The following CILK1 variants were observed in gnomAD, a reference collection of about 807,000 sequenced individuals.
CILK1 encodes serine/threonine-protein kinase ICK.
In CILK1, 47 loss-of-function variants were observed where a neutral mutation model predicts 79.2. The observed-to-expected ratio is 0.59, with a 90% CI of 0.47 to 0.76. CILK1 has a LOEUF of 0.76. Ranked by LOEUF, CILK1 falls within the 30% of genes least tolerant of loss-of-function variation. The pLI is 0.00. For synonymous variants in CILK1, 266 were observed against 275.9 expected, an observed-to-expected ratio of 0.96 and a Z score of 0.36; for missense variants, 660 against 769.5, an observed-to-expected ratio of 0.86 and a Z score of 1.68.
intron 5 of CILK1, among the ~76,000 whole-genome samples, chr6:53,021,634 T>G (rs982341056): frequency 3.6e-4 from 55 of 152,298 alleles, no homozygotes; most frequent in African/African-American, 1.3e-3. Flanking sequence ...TCATTCTTTG[T>G]AAGTTCACTG....
chr6:53,025,577 G>A (rs550220713), intron 5 of CILK1, among the ~76,000 whole-genome samples: 17 of 152,244 alleles, frequency 1.1e-4, no homozygotes, highest in Admixed American at 2.0e-4. Context: ...GGAAGATTCC[G>A]ATTCCCCACA....
chr6:53,029,454 C>T (rs1167645147), intron 5 of CILK1, among the ~76,000 whole-genome samples: 1 of 152,188 alleles, frequency 6.6e-6, no homozygotes, highest in Non-Finnish European at 1.5e-5. Flanking sequence ...GCTGATTACT[C>T]AGTATGTGCC....
intron 1 of CILK1, among the ~76,000 whole-genome samples, chr6:53,043,252 G>C (rs1282745450): frequency 1.3e-5 from 2 of 152,086 alleles, no homozygotes; most frequent in East Asian, 3.9e-4. Context: ...GGAGGCACAG[G>C]CTGCAGTGAG....
At position 53,019,255 on chromosome 6, in the gene CILK1, G is replaced by A. The variant is rs1765074906; in HGVS notation, c.463C>T (p.Pro155Ser). The A allele has an allele frequency of 6.2e-7, 1 of 1,613,838 alleles. No homozygotes were observed. The highest frequency in any genetic ancestry group is 8.5e-7 in the Non-Finnish European group (1 of 1,179,878). The change falls in exon 6 of 14, where the codon CCA becomes TCA. Residue 155 changes from proline to serine, a missense_variant. Physicochemically the swap from Pro to Ser is moderately conservative, Grantham distance 74. Coordinates refer to ENST00000676107, the MANE Select transcript of CILK1 (RefSeq NM_014920.5). ...CTGGTAGATACATAATCTGTATATG[G>A]AGGTTTTGATCGTATTTCTCGGGCC... ...GLAREIRSKP[P>S]YTDYVSTRWY...
chr6:53,012,083 T>A lies in CILK1; in HGVS notation c.1297A>T (p.Ile433Phe). The change falls in exon 10 of 14, where the codon ATT (isoleucine) becomes TTT (phenylalanine). Residue 433 changes from isoleucine to phenylalanine, a missense_variant. Coordinates refer to ENST00000676107, the MANE Select transcript of CILK1 (RefSeq NM_014920.5). ...TGTCTTTTCTTGTTTTTCAGGTCAA[T>A]CCTGCTGAGGGATGGACTGAAATCC... ...DLDFSPSLSRIDLKNKKRQSD... is the reference protein window; with the variant it reads ...DLDFSPSLSRFDLKNKKRQSD... The A allele has an allele frequency of 6.2e-7, 1 of 1,614,188 alleles. No homozygotes were observed. The highest frequency in any genetic ancestry group is 8.5e-7 in the Non-Finnish European group (1 of 1,180,028).
At chr6:53,007,281 A>G (rs1428621935) in intron 12 of CILK1, among the ~76,000 whole-genome samples, 1 of 152,258 alleles carries the variant, frequency 6.6e-6, no homozygotes, top group African/African-American at 2.4e-5. Flanking sequence ...GAGTGGAAAC[A>G]CAGTCTAGAA....
rs192099832 is a variant in CILK1, at chr6:53,011,003, C to T, written c.1492+766G>A. Among the ~76,000 whole-genome samples, 417 of 152,306 alleles carry T rather than the reference C, an allele frequency of 2.7e-3. 1 individual carries two copies. The highest frequency in any genetic ancestry group is 4.7e-3 in the Non-Finnish European group (318 of 68,024). Reference sequence around the variant, plus strand: ...CGCAGTGCTTGGCATGCAGTAGATGCTTGATACATATGTACTGAATGAATG... The same window carrying T: ...CGCAGTGCTTGGCATGCAGTAGATGTTTGATACATATGTACTGAATGAATG... On this transcript the variant is annotated intron_variant, in intron 11 of 13. Coordinates refer to ENST00000676107, the MANE Select transcript of CILK1 (RefSeq NM_014920.5).
intron 11 of CILK1, among the ~76,000 whole-genome samples, chr6:53,009,992 G>A (rs1764471686): frequency 6.6e-6 from 1 of 152,048 alleles, no homozygotes; most frequent in Admixed American, 6.6e-5. Context: ...ACCCGACCTG[G>A]ACCATTACTC....
intron 8 of CILK1, 69 bp downstream of exon 8, chr6:53,016,014 T>A: frequency 6.9e-7 from 1 of 1,456,018 alleles, no homozygotes; most frequent in South Asian, 1.1e-5. Context: ...TACTAAATAT[T>A]TCCTGTGCAA....
chr6:53,045,541 G>C (rs1767007604), intron 1 of CILK1, among the ~76,000 whole-genome samples: 2 of 152,172 alleles, frequency 1.3e-5, no homozygotes, highest in Non-Finnish European at 2.9e-5. Flanking sequence ...CTTTGTGTTA[G>C]ATAATTTGCC....
chr6:53,017,834 C>A (rs1176602638), intron 7 of CILK1, among the ~76,000 whole-genome samples: 1 of 152,062 alleles, frequency 6.6e-6, no homozygotes, highest in Non-Finnish European at 1.5e-5. Flanking sequence ...AATTCAGCCT[C>A]AAGGTGGGGG....
In CILK1 at chr6:53,018,465, G is replaced by C. The variant is rs749902260; in HGVS notation, c.528C>G (p.Asn176Lys). The change falls in exon 7 of 14, where the codon AAC becomes AAG. Residue 176 changes from asparagine (N) to lysine (K), a missense_variant. Asn to Lys is a moderately conservative substitution (Grantham distance 94). Transcript: ENST00000676107. ...CCCAGACGTCAATGGGGGAGCTGTA[G>C]TTGGTAGACCTCAGGAGTACTTCTG... ...RAPEVLLRST[N>K]YSSPIDVWAV... The C allele has an allele frequency of 6.2e-7, 1 of 1,614,234 alleles. No homozygotes were observed. The highest frequency in any genetic ancestry group is 1.1e-5 in the South Asian group (1 of 91,076).
At chr6:53,044,818 G>A (rs1191884591) in intron 1 of CILK1, among the ~76,000 whole-genome samples, 1 of 152,086 alleles carries the variant, frequency 6.6e-6, no homozygotes, top group Non-Finnish European at 1.5e-5. Flanking sequence ...TGACGACACA[G>A]GAAAAACGCA....
chr6:53,052,908 G>T (rs1767583774), intron 1 of CILK1, among the ~76,000 whole-genome samples: 1 of 151,468 alleles, frequency 6.6e-6, no homozygotes, highest in Non-Finnish European at 1.5e-5. Flanking sequence ...GCTCACCACA[G>T]TCCCCATTTT....
chr6:53,031,286 T>A (rs1373296358), intron 4 of CILK1, 142 bp from the exon 5 acceptor site: 3 of 631,880 alleles, frequency 4.7e-6, no homozygotes, highest in Non-Finnish European at 8.3e-6. Context: ...ACAAAAAGAT[T>A]AAACATTTGA....
At chr6:53,061,268 C>G (rs555974410) in intron 1 of CILK1, among the ~76,000 whole-genome samples, 3 of 152,198 alleles carry the variant, frequency 2.0e-5, no homozygotes, top group Admixed American at 6.5e-5. Flanking sequence ...GCTCAGACCC[C>G]TTGTGGGACA....
At chr6:53,043,337 A>T (rs1413118143) in intron 1 of CILK1, among the ~76,000 whole-genome samples, 2 of 151,252 alleles carry the variant, frequency 1.3e-5, no homozygotes, top group South Asian at 2.1e-4. Context: ...TATATATATT[A>T]AAAAATAAAA....
chr6:53,059,690 G>C (rs1169542164), intron 1 of CILK1, among the ~76,000 whole-genome samples: 1 of 152,232 alleles, frequency 6.6e-6, no homozygotes, highest in Non-Finnish European at 1.5e-5. Context: ...TTTTAGATAG[G>C]AAGGGAAAGG....
intron 10 of CILK1, 32 bp from the exon 11 acceptor site, chr6:53,011,949 C>G: frequency 6.2e-7 from 1 of 1,614,036 alleles, no homozygotes; most frequent in Non-Finnish European, 8.5e-7. Context: ...TGGGTCAGCA[C>G]GAGAGACAGT....
Sources: allele counts gnomAD v4.1 joint callset (sites outside exome capture counted in the v4.1 genomes callset), GRCh38; gene constraint gnomAD v4.1.1; transcripts MANE v1.5; gene names NCBI Gene and HGNC (gene_info 2026-07-23, HGNC 2026-07-21).